HS6ST3: variants seen among roughly 807,000 people sequenced by gnomAD.
HS6ST3 encodes heparan-sulfate 6-O-sulfotransferase 3.
In HS6ST3, 12 loss-of-function variants were observed where a neutral mutation model predicts 36.7. The observed-to-expected ratio is 0.33, with a 90% CI of 0.21 to 0.53. The LOEUF (loss-of-function observed/expected upper bound fraction) is 0.53. Among genes scored for constraint, HS6ST3 ranks in the 20% least tolerant of loss-of-function variants. The pLI is 0.95. For synonymous variants in HS6ST3, 240 were observed against 257.5 expected (o/e 0.93, Z 0.65); for missense variants, 584 against 640.9 (o/e 0.91, Z 0.96).
intron 1 of HS6ST3, among the ~76,000 whole-genome samples, chr13:96,493,132 T>A (rs2055954976): frequency 6.6e-6 from 1 of 152,158 alleles, no homozygotes; most frequent in Non-Finnish European, 1.5e-5. Context: ...GATCCACTGT[T>A]CCCTGTCTGT....
intron 1 of HS6ST3, among the ~76,000 whole-genome samples, chr13:96,437,222 A>C (rs759561644): frequency 2.0e-5 from 3 of 152,148 alleles, no homozygotes; most frequent in Non-Finnish European, 4.4e-5. Flanking sequence ...GATCAGGCCC[A>C]TTCTCCAGCA....
At chr13:96,519,792 A>C (rs1009666823) in intron 1 of HS6ST3, among the ~76,000 whole-genome samples, 1 of 152,118 alleles carries the variant, frequency 6.6e-6, no homozygotes, top group Non-Finnish European at 1.5e-5. Flanking sequence ...TTATCCCATA[A>C]AGTTGTTCTG....
At chr13:96,778,277 GA>G (rs2138512170) in intron 1 of HS6ST3, among the ~76,000 whole-genome samples, 1 of 152,236 alleles carries the variant, frequency 6.6e-6, no homozygotes, top group Admixed American at 6.5e-5. Context: ...AAGACTTCAT[GA>G]TTAAAACACC....
chr13:96,284,581 G>A (rs1244895992), intron 1 of HS6ST3, among the ~76,000 whole-genome samples: 1 of 152,152 alleles, frequency 6.6e-6, no homozygotes, highest in African/African-American at 2.4e-5. Flanking sequence ...GGGTGGGTCT[G>A]CCTTTCCCTG....
chr13:96,733,303 C>T (rs553745094), intron 1 of HS6ST3, among the ~76,000 whole-genome samples: 1 of 152,238 alleles, frequency 6.6e-6, no homozygotes, highest in East Asian at 1.9e-4. Flanking sequence ...GAGGTACATT[C>T]CTTCAATATG....
chr13:96,676,530 T>C (rs1001437625), intron 1 of HS6ST3, among the ~76,000 whole-genome samples: 2 of 152,188 alleles, frequency 1.3e-5, no homozygotes, highest in African/African-American at 4.8e-5. Flanking sequence ...ATTCGAGATA[T>C]GAGCCACTTA....
chr13:96,588,638 T>C (rs991512368), intron 1 of HS6ST3, among the ~76,000 whole-genome samples: 1 of 152,204 alleles, frequency 6.6e-6, no homozygotes, highest in African/African-American at 2.4e-5. Flanking sequence ...AGTTGGCTAG[T>C]ATTTTGTTGA....
intron 1 of HS6ST3, among the ~76,000 whole-genome samples, chr13:96,284,885 G>A (rs1048035068): frequency 2.7e-5 from 4 of 149,822 alleles, no homozygotes; most frequent in Non-Finnish European, 5.9e-5. Context: ...TAATATCTTA[G>A]GGCTTTAAGA....
At chr13:96,426,613 T>C (rs2055588495) in intron 1 of HS6ST3, among the ~76,000 whole-genome samples, 1 of 152,214 alleles carries the variant, frequency 6.6e-6, no homozygotes, top group African/African-American at 2.4e-5. Context: ...CAGTAAGTCA[T>C]TTGACTTTTT....
intron 1 of HS6ST3, among the ~76,000 whole-genome samples, chr13:96,538,426 A>T (rs766778596): frequency 6.6e-6 from 1 of 152,212 alleles, no homozygotes; most frequent in Non-Finnish European, 1.5e-5. Context: ...TCCCAGTGAA[A>T]CATTTGAGCA....
chr13:96,356,826 C>T (rs549503108), intron 1 of HS6ST3, among the ~76,000 whole-genome samples: 1 of 152,276 alleles, frequency 6.6e-6, no homozygotes, highest in South Asian at 2.1e-4. Flanking sequence ...CAGTCATTGA[C>T]TTCTCTTTAG....
intron 1 of HS6ST3, among the ~76,000 whole-genome samples, chr13:96,770,887 G>T (rs1877246815): frequency 6.6e-6 from 1 of 152,202 alleles, no homozygotes; most frequent in Non-Finnish European, 1.5e-5. Context: ...TTGTAAGGTA[G>T]TTAGTCCATT....
At chr13:96,778,562 T>A (rs1360401406) in intron 1 of HS6ST3, among the ~76,000 whole-genome samples, 1 of 151,928 alleles carries the variant, frequency 6.6e-6, no homozygotes, top group Non-Finnish European at 1.5e-5. Flanking sequence ...CAACAAACAT[T>A]TGAAAAAAAA....
chr13:96,464,761 A>G (rs940046131), intron 1 of HS6ST3, among the ~76,000 whole-genome samples: 2 of 152,132 alleles, frequency 1.3e-5, no homozygotes, highest in African/African-American at 4.8e-5. Flanking sequence ...GATTTGGGCA[A>G]TTATGTGAAT....
intron 1 of HS6ST3, among the ~76,000 whole-genome samples, chr13:96,344,831 T>C (rs1411290536): frequency 1.3e-5 from 2 of 152,242 alleles, no homozygotes; most frequent in Non-Finnish European, 2.9e-5. Context: ...TGAGGTATTA[T>C]ACGAATGCCT....
At chr13:96,094,018 C>G (rs912687050) in intron 1 of HS6ST3, among the ~76,000 whole-genome samples, 4 of 152,096 alleles carry the variant, frequency 2.6e-5, no homozygotes, top group East Asian at 3.9e-4. Context: ...TTTGGTCCCC[C>G]CAAAGCGCCT....
At chr13:96,244,121 G>C (rs1325463268) in intron 1 of HS6ST3, among the ~76,000 whole-genome samples, 1 of 151,854 alleles carries the variant, frequency 6.6e-6, no homozygotes, top group East Asian at 1.9e-4. Flanking sequence ...CATTCCATTG[G>C]GAAAATTACA....
At chr13:96,389,957 A>G (rs2139451007) in intron 1 of HS6ST3, among the ~76,000 whole-genome samples, 1 of 152,340 alleles carries the variant, frequency 6.6e-6, no homozygotes, top group East Asian at 1.9e-4. Context: ...AGAGGTCACC[A>G]AAAACTTGAA....
At chr13:96,593,370 AT>A (rs1336992364) in intron 1 of HS6ST3, among the ~76,000 whole-genome samples, 5 of 149,272 alleles carry the variant, frequency 3.3e-5, no homozygotes, top group African/African-American at 1.2e-4. Context: ...TGTTTTTCGT[AT>A]TTTTAGTAGA....
Sources: allele counts gnomAD v4.1 joint callset (sites outside exome capture counted in the v4.1 genomes callset), GRCh38; gene constraint gnomAD v4.1.1; transcripts MANE v1.5; gene names NCBI Gene and HGNC (gene_info 2026-07-23, HGNC 2026-07-21).